The following NPHP4 variants were observed in gnomAD, a reference collection of about 807,000 sequenced individuals.
NPHP4 encodes nephrocystin-4.
A neutral mutation model predicts 155.8 loss-of-function variants in NPHP4; 151 were observed. The observed-to-expected ratio is 0.97, with a 90% CI of 0.85 to 1.11. The LOEUF (loss-of-function observed/expected upper bound fraction) is 1.11. NPHP4 is among the 50% of genes least tolerant of loss of function. The probability of loss-of-function intolerance (pLI) is 0.00; values close to 1 mark genes in which losing one functional copy is unlikely to be tolerated. For missense variants in NPHP4, 1,956 were observed against 1,925.7 expected (o/e 1.02, Z -0.29); for synonymous variants, 845 against 816.8 (o/e 1.03, Z -0.59).
intron 1 of NPHP4, among the ~76,000 whole-genome samples, chr1:5,990,716 G>A (rs1656116546): frequency 6.6e-6 from 1 of 152,150 alleles, no homozygotes; most frequent in African/African-American, 2.4e-5. Flanking sequence ...CCTCAATCAA[G>A]GAGGCCAGGA....
At chr1:5,942,257 C>T (rs894802131) in intron 9 of NPHP4, among the ~76,000 whole-genome samples, 1 of 152,124 alleles carries the variant, frequency 6.6e-6, no homozygotes, top group Non-Finnish European at 1.5e-5. Context: ...CTAGGCCATG[C>T]ACAGTGGCTC....
At chr1:5,988,933 G>A (rs1386200429) in intron 1 of NPHP4, among the ~76,000 whole-genome samples, 5 of 152,226 alleles carry the variant, frequency 3.3e-5, no homozygotes, top group Non-Finnish European at 7.3e-5. Flanking sequence ...GTCTGGTCCT[G>A]TGTGAATCCA....
chr1:5,904,904 C>T (rs1168490353), intron 15 of NPHP4, 100 bp from the exon 16 acceptor site: 2 of 1,201,388 alleles, frequency 1.7e-6, no homozygotes, highest in Admixed American at 3.6e-5. Context: ...GCACCTTAGT[C>T]GCTGGGGAAC....
intron 5 of NPHP4, 111 bp downstream of exon 5, chr1:5,967,188 A>G: frequency 1.2e-6 from 1 of 825,754 alleles, no homozygotes; most frequent in Non-Finnish European, 1.9e-6. Flanking sequence ...TAAATTAGCT[A>G]AGCAGATAGC....
chr1:5,921,384 G>A (rs1645732697), intron 11 of NPHP4, among the ~76,000 whole-genome samples: 1 of 152,160 alleles, frequency 6.6e-6, no homozygotes, highest in African/African-American at 2.4e-5. Flanking sequence ...TGAGTTGTAG[G>A]ATATTAACTA....
intron 16 of NPHP4, among the ~76,000 whole-genome samples, chr1:5,896,294 A>G (rs1644392953): frequency 6.6e-6 from 1 of 152,218 alleles, no homozygotes; most frequent in Admixed American, 6.5e-5. Context: ...TAAAAAGGAA[A>G]GCAAACATAA....
chr1:5,885,019 C>T (rs1643659503), intron 18 of NPHP4, among the ~76,000 whole-genome samples: 1 of 140,020 alleles, frequency 7.1e-6, no homozygotes, highest in Non-Finnish European at 1.5e-5. Flanking sequence ...GCCCATCCTA[C>T]GCCGCAACCA....
At chr1:5,909,267 G>A (rs1308482957) in intron 11 of NPHP4, 54 bp from the exon 12 acceptor site, 5 of 1,421,770 alleles carry the variant, frequency 3.5e-6, no homozygotes, top group Non-Finnish European at 4.9e-6. Flanking sequence ...TGTGTTGGGG[G>A]CAGTGGGCCC....
At chr1:5,977,511 A>G (rs138674461) in intron 3 of NPHP4, among the ~76,000 whole-genome samples, 5 of 151,914 alleles carry the variant, frequency 3.3e-5, no homozygotes, top group Non-Finnish European at 7.4e-5. Flanking sequence ...AATTTAACAC[A>G]ACTTGCAATT....
intron 23 of NPHP4, among the ~76,000 whole-genome samples, chr1:5,868,810 AC>A (rs1641592003): frequency 6.7e-6 from 1 of 148,744 alleles, no homozygotes; most frequent in Non-Finnish European, 1.5e-5. Flanking sequence ...ACATGCACAC[AC>A]ATCCACCCAC....
intron 7 of NPHP4, among the ~76,000 whole-genome samples, chr1:5,951,502 T>C (rs1648041731): frequency 6.6e-6 from 1 of 152,194 alleles, no homozygotes; most frequent in African/African-American, 2.4e-5. Flanking sequence ...CAGCCAGGGC[T>C]GACCCCTCTT....
At chr1:5,925,342 G>A (rs1645943695) in intron 11 of NPHP4, among the ~76,000 whole-genome samples, 1 of 152,212 alleles carries the variant, frequency 6.6e-6, no homozygotes, top group South Asian at 2.1e-4. Flanking sequence ...AGAGGAGGAT[G>A]TGCGTAGATT....
rs984774735 is a variant in NPHP4 at position 5,905,141 on chromosome 1, C to A, written c.1955+151G>T. 41 of 688,536 alleles carry A rather than the reference C, an allele frequency of 6.0e-5. No individual in the cohort carries two copies. Among genetic ancestry groups the A allele is most frequent in the Non-Finnish European group, 8.7e-5 (34 of 389,752 alleles). 42.7% of individuals were successfully genotyped at this position (688,536 alleles called of 1,614,324 possible). A position where few individuals can be genotyped will look rare whatever the true frequency, so the allele number is the denominator to read the frequency against. Reference sequence around the variant, plus strand: ...AGCATTTAGCATGCTGTGGGTGGGTCCTAGCCAAGAGAAGATAAAAACAGA... The same window carrying A: ...AGCATTTAGCATGCTGTGGGTGGGTACTAGCCAAGAGAAGATAAAAACAGA... On this transcript the variant is annotated intron_variant, in intron 15 of 29. Transcript: ENST00000378156. The surrounding 1 kb of genome is among the most constrained non-coding windows in gnomAD (Gnocchi z 4.0).
At chr1:5,868,935 C>T (rs1641628252) in intron 23 of NPHP4, among the ~76,000 whole-genome samples, 1 of 148,560 alleles carries the variant, frequency 6.7e-6, no homozygotes, top group South Asian at 2.2e-4. Context: ...CACATGCATG[C>T]ACCCACATGC....
intron 25 of NPHP4, 77 bp from the exon 26 acceptor site, chr1:5,866,535 A>C: frequency 6.1e-6 from 5 of 825,256 alleles, no homozygotes; most frequent in East Asian, 5.3e-5. Flanking sequence ...TCTGTGACTA[A>C]TACACGCAGC....
chr1:5,895,273 GTA>G (rs1314554042), intron 16 of NPHP4, among the ~76,000 whole-genome samples: 1 of 152,166 alleles, frequency 6.6e-6, no homozygotes, highest in East Asian at 1.9e-4. Context: ...CATGGCACAT[GTA>G]TACAAATGTA....
intron 11 of NPHP4, among the ~76,000 whole-genome samples, chr1:5,920,280 C>T (rs764886209): frequency 4.6e-5 from 7 of 151,992 alleles, no homozygotes; most frequent in Non-Finnish European, 8.8e-5. Flanking sequence ...AGGCTGATCT[C>T]GAACTCTTGG....
intron 7 of NPHP4, among the ~76,000 whole-genome samples, chr1:5,948,915 A>G (rs1047833913): frequency 5.1e-4 from 78 of 152,334 alleles, no homozygotes; most frequent in Non-Finnish European, 6.0e-4. Context: ...TCCCCTGGCT[A>G]TTAGTGTTTA....
At position 5,964,941 on chromosome 1, in the gene NPHP4, A is replaced by ATATATTTT; in HGVS notation, c.517+2357_517+2358insAAAATATA. Among the ~76,000 whole-genome samples the ATATATTTT allele has an allele frequency of 8.4e-4, 50 of 59,406 alleles. 2 individuals are homozygous for ATATATTTT. The highest frequency in any genetic ancestry group is 4.1e-3 in the African/African-American group (48 of 11,784). 39.0% of individuals were successfully genotyped at this position (59,406 alleles called of 152,430 possible). A position where few individuals can be genotyped will look rare whatever the true frequency, so the allele number is the denominator to read the frequency against. ...ATTATATATATATATATATATATAT[A>ATATATTTT]TTTTTTTTTTTTGAGGCAGGGTCTC... On this transcript the variant is annotated intron_variant, in intron 5 of 29. Coordinates refer to ENST00000378156, the MANE Select transcript of NPHP4 (RefSeq NM_015102.5).
Sources: allele counts gnomAD v4.1 joint callset (sites outside exome capture counted in the v4.1 genomes callset), GRCh38; gene constraint gnomAD v4.1.1; non-coding constraint Gnocchi (gnomAD v3.1); transcripts MANE v1.5; gene names NCBI Gene and HGNC (gene_info 2026-07-23, HGNC 2026-07-21).